Variants in RPAP1 observed in about 807,000 individuals in gnomAD.
RPAP1 encodes RNA polymerase II-associated protein 1.
A neutral mutation model predicts 142.4 loss-of-function variants in RPAP1; 109 were observed. The observed-to-expected ratio is 0.77, with a 90% CI of 0.66 to 0.90. The LOEUF is 0.90. Among genes scored for constraint, RPAP1 ranks in the 40% least tolerant of loss-of-function variants. The pLI is 0.00. For synonymous variants in RPAP1, 704 were observed against 738.9 expected, an observed-to-expected ratio of 0.95 and a Z score of 0.77; for missense variants, 1,546 against 1,751.7, an observed-to-expected ratio of 0.88 and a Z score of 2.10.
chr15:41,536,815 G>A, intron 2 of RPAP1, 130 bp downstream of exon 2: 2 of 1,378,438 alleles, frequency 1.5e-6, no homozygotes, highest in Non-Finnish European at 2.0e-6. Context: ...GTAAAATGGG[G>A]CTGCAGAAAC....
rs2051816627 is a variant in RPAP1 at position 41,528,342 on chromosome 15, G to A, written c.1159-6C>T. ...TGTAGGGAATACCCCGCTCTCTGGG[G>A]CAGGGACAAGAAGTCAGAAGCAGCC... On this transcript the variant is annotated splice_polypyrimidine_tract_variant and splice_region_variant and intron_variant, in intron 9 of 24. Coordinates refer to ENST00000304330, the MANE Select transcript of RPAP1 (RefSeq NM_015540.4). 3 of 1,575,306 alleles carry A rather than the reference G, an allele frequency of 1.9e-6. No homozygotes were observed. Among genetic ancestry groups the A allele is most frequent in the Non-Finnish European group, 2.6e-6 (3 of 1,158,526 alleles).
At chr15:41,526,109 C>G (rs2051787937) in intron 14 of RPAP1, among the ~76,000 whole-genome samples, 1 of 152,078 alleles carries the variant, frequency 6.6e-6, no homozygotes, top group East Asian at 1.9e-4. Flanking sequence ...ACTATTATAC[C>G]TGGCTAATTT....
At position 41,536,215 on chromosome 15, in the gene RPAP1, G is replaced by T. The variant is rs199863809; in HGVS notation, c.334C>A (p.Arg112=). The T allele has an allele frequency of 1.2e-6, 2 of 1,613,838 alleles. No individual in the cohort carries two copies. Among genetic ancestry groups the T allele is most frequent in the Non-Finnish European group, 1.7e-6 (2 of 1,179,832 alleles). ...ITAVLTKIIE[R]DTSSVAVNLP... ...TTCACGGCCACTGAACTTGTATCTCGTTCCTGTAGCAACAAAGCACAAAGT... is the reference window on the plus strand; with the variant it reads ...TTCACGGCCACTGAACTTGTATCTCTTTCCTGTAGCAACAAAGCACAAAGT... Residue 112 remains arginine, a synonymous_variant, in exon 4 of 25, where the codon CGA becomes AGA. Coordinates refer to ENST00000304330, the MANE Select transcript of RPAP1 (RefSeq NM_015540.4).
At chr15:41,534,583 CAAA>C (rs764568682) in intron 6 of RPAP1, 128 bp downstream of exon 6, 9,305 of 173,510 alleles carry the variant, frequency 0.054, no homozygotes, top group South Asian at 0.062. Context: ...AAGACCATCT[CAAA>C]AAAAAAAAAA....
chr15:41,522,487 T>A, intron 19 of RPAP1: 1 of 565,840 alleles, frequency 1.8e-6, no homozygotes. Flanking sequence ...GCCTCCCGGG[T>A]TCAAGTGATT....
chr15:41,532,084 C>T (rs2051858072), intron 6 of RPAP1, among the ~76,000 whole-genome samples: 3 of 151,304 alleles, frequency 2.0e-5, no homozygotes, highest in Non-Finnish European at 4.4e-5. Flanking sequence ...TGCCATGGCA[C>T]GATCTCGGCT....
chr15:41,540,956 C>T (rs2051966539), intron 1 of RPAP1, among the ~76,000 whole-genome samples: 1 of 152,124 alleles, frequency 6.6e-6, no homozygotes, highest in East Asian at 1.9e-4. Flanking sequence ...GGCTTTTACC[C>T]ACTAGACGTC....
Position 41,520,601 on chromosome 15 carries a change from G to A in RPAP1, c.3585C>T (p.Leu1195=). 1 of 1,614,248 alleles carries A rather than the reference G, an allele frequency of 6.2e-7. No individual in the cohort carries two copies. Among genetic ancestry groups the A allele is most frequent in the East Asian group, 2.2e-5 (1 of 44,888 alleles). Residue 1195 remains leucine (L), a synonymous_variant, in exon 22 of 25, where the codon CTC becomes CTT. Transcript: ENST00000304330. The stretch of plus-strand genomic sequence containing the variant: ...GGCCAGGGAGTCGGCAGTCCAGGTT[G>A]AGGTTTGGCAAGACTTGAGGCTGAC... The part of the protein sequence containing the change: ...QLCQPQVLPN[L]NLDCRLPGLT...
intron 19 of RPAP1, chr15:41,522,471 G>T: frequency 1.7e-6 from 1 of 576,232 alleles, no homozygotes; most frequent in Non-Finnish European, 3.1e-6. Flanking sequence ...GCTCACCGCA[G>T]CCTCCGCCTC....
chr15:41,538,120 G>A (rs1430310567), intron 1 of RPAP1, among the ~76,000 whole-genome samples: 3 of 152,118 alleles, frequency 2.0e-5, no homozygotes, highest in Non-Finnish European at 4.4e-5. Context: ...GCGGGCACCT[G>A]TATTCCCAGC....
intron 5 of RPAP1, 145 bp from the exon 6 acceptor site, chr15:41,535,080 A>G (rs1244970281): frequency 1.4e-6 from 1 of 719,158 alleles, no homozygotes; most frequent in Non-Finnish European, 2.2e-6. Flanking sequence ...TGGGTCTGGC[A>G]CAGGGACTCC....
chr15:41,536,593 T>G lies in RPAP1; in HGVS notation c.238A>C (p.Ser80Arg), dbSNP rs1366540079. 1 of 1,614,000 alleles carries G rather than the reference T, an allele frequency of 6.2e-7. No homozygotes were observed. Among genetic ancestry groups the G allele is most frequent in the Non-Finnish European group, 8.5e-7 (1 of 1,180,010 alleles). ...TCCTCAGGCAGGCAGTGGCCAGGGC[T>G]GGGCCTGGCTCTCTTTGGAGGAGAA... The part of the protein sequence containing the change: ...VPSPPKRARP[S>R]PGHCLPEDED... The change falls in exon 3 of 25, where the codon AGC becomes CGC. Residue 80 changes from serine to arginine, a missense_variant. Coordinates refer to ENST00000304330, the MANE Select transcript of RPAP1 (RefSeq NM_015540.4).
intron 23 of RPAP1, 47 bp from the exon 24 acceptor site, chr15:41,517,904 C>A: frequency 6.2e-7 from 1 of 1,613,582 alleles, no homozygotes; most frequent in Non-Finnish European, 8.5e-7. Context: ...GGGCTGGTAC[C>A]CACCACTGGC....
intron 18 of RPAP1, 108 bp from the exon 19 acceptor site, chr15:41,523,068 G>T: frequency 9.6e-7 from 1 of 1,040,408 alleles, no homozygotes; most frequent in Non-Finnish European, 1.4e-6. Context: ...GGCTGTGGAG[G>T]TCAGTGCTGC....
Position 41,535,547 on chromosome 15 carries a change from A to T in RPAP1, c.506T>A (p.Val169Asp). 1 of 1,613,384 alleles carries T rather than the reference A, an allele frequency of 6.2e-7. No individual in the cohort carries two copies. The highest frequency in any genetic ancestry group is 8.5e-7 in the Non-Finnish European group (1 of 1,179,750). ...GCCCACGTTGGGCACAACTTCCCCA[A>T]CTGATGGGCCCTTGGCTTCAGCTAT... The part of the protein sequence containing the change: ...RRIAEAKGPS[V>D]GEVVPNVGPP... The change falls in exon 5 of 25, where the codon GTT (valine) becomes GAT (aspartate). Residue 169 changes from valine (V) to aspartate (D), a missense_variant. By Grantham distance (152) the Val-to-Asp change is radical. This residue lies in a region of RPAP1 where 1,333 missense variants were observed against 1,486.6 expected (regional missense o/e 0.90). Transcript: ENST00000304330.
Position 41,527,460 on chromosome 15 carries a change from C to T in RPAP1, c.1574G>A (p.Arg525Gln), listed in dbSNP as rs372712659. The part of the protein sequence containing the change: ...AKRKSPEEES[R>Q]PPPDLARHDV... ...ATGTCGGGCCAGGTCAGGTGGAGGC[C>T]GGCTTTCTTCTTCAGGGCTTTTCCT... is the stretch of plus-strand genomic sequence containing the variant. The change falls in exon 12 of 25, where the codon CGG becomes CAG. Residue 525 changes from arginine (R) to glutamine (Q), a missense_variant. This residue lies in a region of RPAP1 where 1,333 missense variants were observed against 1,486.6 expected (regional missense o/e 0.90). Coordinates refer to ENST00000304330, the MANE Select transcript of RPAP1 (RefSeq NM_015540.4). 1.3e-5 allele frequency: 21 copies of T among 1,614,092 alleles called. No homozygotes were observed. The highest frequency in any genetic ancestry group is 3.3e-5 in the Admixed American group (2 of 60,000).
chr15:41,522,646 T>A, intron 19 of RPAP1, 119 bp downstream of exon 19: 1 of 936,496 alleles, frequency 1.1e-6, no homozygotes, highest in Non-Finnish European at 1.5e-6. Flanking sequence ...CACCTCGGCC[T>A]CCCAAACTGC....
chr15:41,531,600 CAT>C (rs779055706), intron 6 of RPAP1, among the ~76,000 whole-genome samples: 143 of 67,626 alleles, frequency 2.1e-3, no homozygotes, highest in African/African-American at 3.8e-3. Flanking sequence ...TGCACACACA[CAT>C]ATATATATAT....
At chr15:41,523,494 A>G (rs1484433050) in intron 17 of RPAP1, 140 bp from the exon 18 acceptor site, 13 of 663,968 alleles carry the variant, frequency 2.0e-5, no homozygotes, top group Middle Eastern at 5.6e-4. Flanking sequence ...TTCTGAAGGG[A>G]GAGAAGGCCC....
Sources: gnomAD v4.1 joint callset for allele counts (sites outside exome capture counted in the v4.1 genomes callset) on GRCh38, gnomAD v4.1.1 for gene constraint, gnomAD v4.1.1 regional missense constraint, MANE v1.5 for transcripts, NCBI Gene and HGNC (gene_info 2026-07-23, HGNC 2026-07-21) for gene names.